The following QSER1 variants were observed in gnomAD, a reference collection of about 807,000 sequenced individuals.
The protein encoded by QSER1 is glutamine and serine-rich protein 1.
In QSER1, 49 loss-of-function variants were observed where a neutral mutation model predicts 158.5. The observed-to-expected ratio is 0.31, with a 90% CI of 0.25 to 0.39. The LOEUF is 0.39. Ranked by LOEUF, QSER1 falls within the 10% of genes least tolerant of loss-of-function variation. The pLI is 1.00. For missense variants in QSER1, 1,754 were observed against 2,010.3 expected (o/e 0.87, Z 2.44); for synonymous variants, 650 against 715.5 (o/e 0.91, Z 1.46).
At chr11:32,901,759 C>T (rs1294686386) in intron 1 of QSER1, among the ~76,000 whole-genome samples, 2 of 152,162 alleles carry the variant, frequency 1.3e-5, no homozygotes, top group Non-Finnish European at 2.9e-5. Flanking sequence ...CTTCTGATGA[C>T]AGATCATGGA....
rs369863971 is a variant in QSER1 at position 32,933,864 on chromosome 11, T to C, written c.2606T>C (p.Ile869Thr). 7 of 1,613,414 alleles carry C rather than the reference T, an allele frequency of 4.3e-6. No individual in the cohort carries two copies. The highest frequency in any genetic ancestry group is 5.9e-6 in the Non-Finnish European group (7 of 1,179,824). The change falls in exon 4 of 13, where the codon ATA (isoleucine) becomes ACA (threonine). Residue 869 changes from isoleucine to threonine, a missense_variant. Coordinates refer to ENST00000650167, the MANE Select transcript of QSER1 (RefSeq NM_001076786.3). ...GATTTACAAATTCTTCAGCAGTCAA[T>C]ACTGCAGGCAGGTTTAGGTCAAGTA... is the stretch of plus-strand genomic sequence containing the variant. ...ACDLQILQQS[I>T]LQAGLGQVKA...
intron 1 of QSER1, among the ~76,000 whole-genome samples, chr11:32,901,390 A>G (rs1309473033): frequency 6.6e-6 from 1 of 152,212 alleles, no homozygotes; most frequent in African/African-American, 2.4e-5. Flanking sequence ...AAAATAATTC[A>G]GGGACTTAGT....
chr11:32,971,332 G>A (rs1478558187), intron 10 of QSER1, among the ~76,000 whole-genome samples: 3 of 152,168 alleles, frequency 2.0e-5, no homozygotes, highest in Non-Finnish European at 4.4e-5. Flanking sequence ...AATAATTAGT[G>A]TGCTTTCCTA....
intron 1 of QSER1, among the ~76,000 whole-genome samples, chr11:32,896,225 T>C (rs929318756): frequency 2.8e-4 from 42 of 152,236 alleles, no homozygotes; most frequent in African/African-American, 9.9e-4. Flanking sequence ...CTGTACTTGA[T>C]ACTTATATCT....
Position 32,933,049 on chromosome 11 carries a change from A to G in QSER1, c.1791A>G (p.Leu597=), listed in dbSNP as rs1418616250. 5 of 1,613,108 alleles carry G rather than the reference A, an allele frequency of 3.1e-6. No individual in the cohort carries two copies. In the African/African-American group the frequency reaches 6.7e-5, roughly 22 times the overall value. ...ATGCTTCAGGGGAGTCCCTAACATT[A>G]ACAGCCCCTTCTCTTTCTTATTCTT... ...ESYASGESLT[L]TAPSLSYSSA... The change falls in exon 4 of 13, where the codon TTA becomes TTG. Residue 597 remains leucine, a synonymous_variant. Transcript: ENST00000650167.
At chr11:32,936,939 T>C (rs1188841141) in intron 4 of QSER1, among the ~76,000 whole-genome samples, 1 of 152,214 alleles carries the variant, frequency 6.6e-6, no homozygotes, top group Non-Finnish European at 1.5e-5. Context: ...TGATAGAAAG[T>C]CAGTCTCAGA....
In QSER1 at chr11:32,934,979, C is replaced by G. The variant is rs760109058; in HGVS notation, c.3721C>G (p.Pro1241Ala). ...TCCAAGGGGAACAGATATTTACTTA[C>G]CGTATACTCCTCCTTCCTCAGAAAG... ...QNPRGTDIYLPYTPPSSESCH... is the reference protein window; with the variant it reads ...QNPRGTDIYLAYTPPSSESCH... Residue 1241 changes from proline (P) to alanine (A), a missense_variant, in exon 4 of 13, where the codon CCG (proline) becomes GCG (alanine). Physicochemically the swap from Pro to Ala is conservative, Grantham distance 27. Coordinates refer to ENST00000650167, the MANE Select transcript of QSER1 (RefSeq NM_001076786.3). 4.3e-6 allele frequency: 7 copies of G among 1,614,024 alleles called. No homozygotes were observed. The highest frequency in any genetic ancestry group is 3.3e-5 in the Admixed American group (2 of 59,988).
chr11:32,917,844 A>AAC (rs1554925345), intron 1 of QSER1, among the ~76,000 whole-genome samples: 9 of 150,414 alleles, frequency 6.0e-5, no homozygotes, highest in East Asian at 3.9e-4. Flanking sequence ...AAAAAAAAAA[A>AAC]CCAGCATTTC....
intron 8 of QSER1, among the ~76,000 whole-genome samples, chr11:32,964,648 G>T (rs1288599346): frequency 6.9e-6 from 1 of 145,924 alleles, no homozygotes; most frequent in Non-Finnish European, 1.5e-5. Flanking sequence ...AGGATCACTT[G>T]AGGCTGAGAG....
intron 1 of QSER1, among the ~76,000 whole-genome samples, chr11:32,910,476 T>C (rs988483766): frequency 3.9e-5 from 6 of 152,218 alleles, no homozygotes; most frequent in Non-Finnish European, 7.3e-5. Context: ...TATATTTGTT[T>C]TATTCTATTT....
In QSER1 at chr11:32,973,466, G is replaced by A. The variant is rs1395244364; in HGVS notation, c.5275G>A (p.Ala1759Thr). The A allele has an allele frequency of 3.1e-6, 5 of 1,613,486 alleles. No individual in the cohort carries two copies. In the South Asian group the frequency reaches 4.4e-5, roughly 14 times the overall value. Residue 1759 changes from alanine (A) to threonine (T), a missense_variant, in exon 11 of 13, where the codon GCT becomes ACT. Ala to Thr is a moderately conservative substitution (Grantham distance 58, BLOSUM62 0). Coordinates refer to ENST00000650167, the MANE Select transcript of QSER1 (RefSeq NM_001076786.3). ...RDSKAKSGGT[A>T]ISKIKMNGKA... ...TTCTAAAGCAAAGAGTGGAGGAACTGCTATTTCTAAAATCAAAATGAATGG... is the reference window on the plus strand; with the variant it reads ...TTCTAAAGCAAAGAGTGGAGGAACTACTATTTCTAAAATCAAAATGAATGG...
At chr11:32,919,698 G>A (rs1262472951) in intron 1 of QSER1, among the ~76,000 whole-genome samples, 1 of 152,198 alleles carries the variant, frequency 6.6e-6, no homozygotes, top group Non-Finnish European at 1.5e-5. Context: ...CCACACCTGA[G>A]TGGGGAGTTA....
chr11:32,899,711 G>T (rs1242596325), intron 1 of QSER1, among the ~76,000 whole-genome samples: 5 of 152,134 alleles, frequency 3.3e-5, no homozygotes. Context: ...TCTGGAGGGT[G>T]AGAGGGTAAT....
At chr11:32,955,026 G>C (rs1376977489) in intron 5 of QSER1, among the ~76,000 whole-genome samples, 2 of 152,212 alleles carry the variant, frequency 1.3e-5, no homozygotes, top group African/African-American at 4.8e-5. Flanking sequence ...ATAGGACAGT[G>C]TCATTAGCAG....
chr11:32,945,418 T>C (rs1320963806), intron 4 of QSER1, among the ~76,000 whole-genome samples: 1 of 151,016 alleles, frequency 6.6e-6, no homozygotes, highest in South Asian at 2.1e-4. Context: ...AGGAGCTCTT[T>C]TAGGGCAGGC....
At chr11:32,961,318 C>G (rs1403879033) in intron 8 of QSER1, among the ~76,000 whole-genome samples, 1 of 152,104 alleles carries the variant, frequency 6.6e-6, no homozygotes, top group Non-Finnish European at 1.5e-5. Context: ...AGTTTTCATG[C>G]TATTACATTA....
chr11:32,962,648 G>C (rs987342972), intron 8 of QSER1, among the ~76,000 whole-genome samples: 2 of 152,048 alleles, frequency 1.3e-5, no homozygotes, highest in African/African-American at 4.8e-5. Flanking sequence ...AGCTCTTAAG[G>C]TCAGATATTT....
At chr11:32,928,972 T>C (rs1025566930) in intron 3 of QSER1, among the ~76,000 whole-genome samples, 1 of 152,200 alleles carries the variant, frequency 6.6e-6, no homozygotes. Context: ...GATTTTCCTA[T>C]CAGTATATTC....
rs1485375031 is a variant in QSER1 at position 32,893,014 on chromosome 11, C to A, written c.-112C>A. Among the ~76,000 whole-genome samples the A allele has an allele frequency of 6.8e-6, 1 of 147,580 alleles. No homozygotes were observed. Among genetic ancestry groups the A allele is most frequent in the African/African-American group, 2.5e-5 (1 of 40,736 alleles). ...GGGCCATGTGAGGGGGCAGCTCCCT[C>A]CACCGCCGCCGCCCCCTCTTCCTCC... On this transcript the variant is annotated 5_prime_UTR_variant, in exon 1 of 13. Transcript: ENST00000650167. This position sits in a 1 kb window ranked among gnomAD's most constrained non-coding sequence, Gnocchi z 4.7.
Sources: gnomAD v4.1 joint callset for allele counts (sites outside exome capture counted in the v4.1 genomes callset) on GRCh38, gnomAD v4.1.1 for gene constraint, Gnocchi (gnomAD v3.1) non-coding constraint, MANE v1.5 for transcripts, NCBI Gene and HGNC (gene_info 2026-07-23, HGNC 2026-07-21) for gene names.